CHAF1B: variants seen among roughly 807,000 people sequenced by gnomAD.
CHAF1B encodes the protein chromatin assembly factor 1 subunit B.
Under a neutral mutation model 60.7 loss-of-function variants are expected in CHAF1B, and 10 were observed. The observed-to-expected ratio is 0.16, with a 90% CI of 0.10 to 0.28. The LOEUF is 0.28. Among genes scored for constraint, CHAF1B ranks in the 10% least tolerant of loss-of-function variants. The pLI, the probability that CHAF1B is intolerant of heterozygous loss-of-function variation, is 1.00. For missense variants in CHAF1B, 558 were observed against 708.4 expected, an observed-to-expected ratio of 0.79 and a Z score of 2.41; for synonymous variants, 261 against 266.1, an observed-to-expected ratio of 0.98 and a Z score of 0.19.
chr21:36,405,263 G>A (rs1032510335), intron 8 of CHAF1B, among the ~76,000 whole-genome samples: 2 of 152,036 alleles, frequency 1.3e-5, no homozygotes, highest in African/African-American at 4.8e-5. Flanking sequence ...TTTAAAAATA[G>A]TATTAGAATT....
At chr21:36,414,862 C>A (rs1438528688) in intron 12 of CHAF1B, among the ~76,000 whole-genome samples, 4 of 152,196 alleles carry the variant, frequency 2.6e-5, no homozygotes, top group Non-Finnish European at 2.9e-5. Flanking sequence ...ATCTGCCCGC[C>A]TCAGCCCGCC....
rs919363246 is a variant in CHAF1B at position 36,414,471 on chromosome 21, G to A, written c.1494-824G>A. Among the ~76,000 whole-genome samples the A allele has an allele frequency of 3.3e-5, 5 of 152,068 alleles. No homozygotes were observed. The South Asian group carries it at 6.2e-4, about 19-fold the overall frequency. The stretch of plus-strand genomic sequence containing the variant: ...ATTTTTCTGTTTGTTTTTATGTGAC[G>A]GAAGGTATTCCTTGAACTATTTTTG... On this transcript the variant is annotated intron_variant, in intron 12 of 13. Transcript: ENST00000314103.
chr21:36,398,423 G>A (rs1435252846), intron 6 of CHAF1B, among the ~76,000 whole-genome samples: 1 of 151,912 alleles, frequency 6.6e-6, no homozygotes, highest in African/African-American at 2.4e-5. Flanking sequence ...GCAGTGGTGC[G>A]ATCTCGGCAT....
At chr21:36,391,777 C>T (rs929897194) in intron 4 of CHAF1B, 109 bp downstream of exon 4, 15 of 699,796 alleles carry the variant, frequency 2.1e-5, no homozygotes, top group African/African-American at 7.1e-5. Flanking sequence ...GTCTCATTGT[C>T]GCCCAGGCTG....
intron 3 of CHAF1B, among the ~76,000 whole-genome samples, chr21:36,390,699 A>G (rs2086079987): frequency 6.6e-6 from 1 of 152,164 alleles, no homozygotes. Flanking sequence ...TCTGTCACTG[A>G]GGCTAGAGTG....
chr21:36,399,699 GC>G, intron 7 of CHAF1B, 94 bp downstream of exon 7: 1 of 941,964 alleles, frequency 1.1e-6, no homozygotes, highest in Non-Finnish European at 1.7e-6. Context: ...CAAATCACTG[GC>G]CACAAAGAGC....
chr21:36,397,078 A>G (rs1418693299), intron 5 of CHAF1B, among the ~76,000 whole-genome samples: 1 of 152,022 alleles, frequency 6.6e-6, no homozygotes. Context: ...TCCACCCTTC[A>G]TCCCCTCTTC....
At position 36,413,302 on chromosome 21, in the gene CHAF1B, A is replaced by G; in HGVS notation, c.1480A>G (p.Lys494Glu). The change falls in exon 12 of 14, where the codon AAG becomes GAG. Residue 494 changes from lysine to glutamate, a missense_variant. Transcript: ENST00000314103. ...VTLNTLQAWSKTTPRRINLTP... is the reference protein window; with the variant it reads ...VTLNTLQAWSETTPRRINLTP... ...TCTGAACACACTGCAAGCCTGGAGCAAGACAACACCCCGGTAAGAACTTGT... is the reference window on the plus strand; with the variant it reads ...TCTGAACACACTGCAAGCCTGGAGCGAGACAACACCCCGGTAAGAACTTGT... 6.3e-7 allele frequency: 1 copy of G among 1,577,190 alleles called. No individual in the cohort carries two copies. Among genetic ancestry groups the G allele is most frequent in the African/African-American group, 1.4e-5 (1 of 73,250 alleles).
rs948072828 is a variant in CHAF1B, at chr21:36,394,795, G to T, written c.481+145G>T. On this transcript the variant is annotated intron_variant, in intron 5 of 13. Transcript: ENST00000314103. ...CGCCCAGGCTGGAGTGCAGTGGTGC[G>T]ATCTTGGTTCACTGCAACCTCTGCC... The T allele has an allele frequency of 2.5e-4, 139 of 557,762 alleles. 1 individual carries two copies. Among genetic ancestry groups the T allele is most frequent in the Non-Finnish European group, 4.2e-4 (134 of 321,638 alleles). 34.6% of individuals were successfully genotyped at this position (557,762 alleles called of 1,614,324 possible).
intron 4 of CHAF1B, among the ~76,000 whole-genome samples, chr21:36,392,318 T>C (rs1262768600): frequency 6.6e-6 from 1 of 152,180 alleles, no homozygotes; most frequent in Non-Finnish European, 1.5e-5. Flanking sequence ...CTCCTATGTC[T>C]ACCTCTTTCT....
chr21:36,416,374 T>G lies in CHAF1B; in HGVS notation c.*8T>G. ...GAAAGTCTGGACCCTTGATGGGACCTCGGCTTCTGCTCGAAGCCTACCAGG... is the reference window on the plus strand; with the variant it reads ...GAAAGTCTGGACCCTTGATGGGACCGCGGCTTCTGCTCGAAGCCTACCAGG... On this transcript the variant is annotated 3_prime_UTR_variant, in exon 14 of 14. Coordinates refer to ENST00000314103, the MANE Select transcript of CHAF1B (RefSeq NM_005441.3). 6.2e-7 allele frequency: 1 copy of G among 1,611,766 alleles called. No homozygotes were observed. The highest frequency in any genetic ancestry group is 8.5e-7 in the Non-Finnish European group (1 of 1,178,744).
intron 5 of CHAF1B, 77 bp downstream of exon 5, chr21:36,394,727 TA>T: frequency 1.0e-6 from 1 of 960,540 alleles, no homozygotes; most frequent in Non-Finnish European, 1.5e-6. Flanking sequence ...TAACTTGCTT[TA>T]ACTTTTTTTT....
At chr21:36,391,463 CAAAAAA>C in intron 3 of CHAF1B, 82 bp from the exon 4 acceptor site, 1 of 511,588 alleles carries the variant, frequency 2.0e-6, no homozygotes, top group Non-Finnish European at 3.0e-6. Context: ...GACTCCGTCT[CAAAAAA>C]AAAAAAAAAA....
rs889296060 is a variant in CHAF1B, at chr21:36,392,515, C to G, written c.377+847C>G. ...GACAGGGCGGCCGGGCAGAGGCGCC[C>G]CCCACCTCCCGGACGGGGCAGCTGG... On this transcript the variant is annotated intron_variant, in intron 4 of 13. Coordinates refer to ENST00000314103, the MANE Select transcript of CHAF1B (RefSeq NM_005441.3). Among the ~76,000 whole-genome samples the G allele has an allele frequency of 7.3e-5, 11 of 150,098 alleles. No individual in the cohort carries two copies. In the East Asian group the frequency reaches 8.1e-4, roughly 11 times the overall value.
rs1181140003 is a variant in CHAF1B, at chr21:36,418,552, AAC to A, written c.*2188_*2189del. On this transcript the variant is annotated 3_prime_UTR_variant, in exon 14 of 14. Transcript: ENST00000314103. ...TGCTTCCTGGCCATACCTGGGGAGGAACAGTATTAGGTTTTTCTGGGTGTGGT... is the reference window on the plus strand; with the variant it reads ...TGCTTCCTGGCCATACCTGGGGAGGAAGTATTAGGTTTTTCTGGGTGTGGT... 6.6e-6 allele frequency: 1 copy of A among 152,042 alleles called. No homozygotes were observed. The highest frequency in any genetic ancestry group is 1.5e-5 in the Non-Finnish European group (1 of 68,130). The allele number at this position is 152,042 out of a possible 1,614,324, so 9.4% of individuals were successfully genotyped here.
intron 3 of CHAF1B, among the ~76,000 whole-genome samples, chr21:36,390,333 C>CAAAAAA (rs1555911920): frequency 4.3e-4 from 35 of 81,784 alleles, no homozygotes; most frequent in East Asian, 2.5e-3. Flanking sequence ...AACACCATCT[C>CAAAAAA]AAAAAAAAAA....
intron 6 of CHAF1B, among the ~76,000 whole-genome samples, chr21:36,398,591 C>T (rs1032239734): frequency 2.6e-5 from 4 of 152,204 alleles, no homozygotes; most frequent in African/African-American, 7.2e-5. Context: ...AACTCCTGAC[C>T]TCAGGTGACC....
chr21:36,395,566 G>A (rs1053657390), intron 5 of CHAF1B, among the ~76,000 whole-genome samples: 1 of 152,210 alleles, frequency 6.6e-6, no homozygotes, highest in Admixed American at 6.5e-5. Context: ...CTTTATGGAG[G>A]TTAGGATCTC....
intron 13 of CHAF1B, chr21:36,415,897 C>T (rs1055058463): frequency 1.4e-4 from 47 of 328,762 alleles, no homozygotes; most frequent in Non-Finnish European, 1.0e-4. Flanking sequence ...GGACTACAGG[C>T]GTGCGCCATC....
Sources: gnomAD v4.1 joint callset for allele counts (sites outside exome capture counted in the v4.1 genomes callset) on GRCh38, gnomAD v4.1.1 for gene constraint, MANE v1.5 for transcripts, NCBI Gene and HGNC (gene_info 2026-07-23, HGNC 2026-07-21) for gene names.